Variants in GIPR observed in about 807,000 individuals in gnomAD.
The protein encoded by GIPR is gastric inhibitory polypeptide receptor.
In GIPR, 74 loss-of-function variants were observed where a neutral mutation model predicts 62.2. The observed-to-expected ratio is 1.19, with a 90% CI of 0.99 to 1.44. The LOEUF (loss-of-function observed/expected upper bound fraction) is 1.44, where lower values mean the gene tolerates loss of function less well. Among genes scored for constraint, GIPR ranks in the 40% most tolerant of loss-of-function variants. The pLI, the probability that GIPR is intolerant of heterozygous loss-of-function variation, is 0.00. For missense variants in GIPR, 664 were observed against 611.8 expected (o/e 1.09, Z -0.90); for synonymous variants, 256 against 262.2 (o/e 0.98, Z 0.23).
intron 9 of GIPR, 62 bp from the exon 10 acceptor site, chr19:45,677,648 G>A: frequency 1.5e-6 from 2 of 1,326,780 alleles, no homozygotes; most frequent in East Asian, 2.3e-5. Flanking sequence ...GCGAGCAAAT[G>A]AGCTTGGTGA....
intron 12 of GIPR, among the ~76,000 whole-genome samples, chr19:45,679,513 G>A (rs896442433): frequency 1.3e-5 from 2 of 149,702 alleles, no homozygotes; most frequent in Non-Finnish European, 3.0e-5. Context: ...AAAGCATATA[G>A]AATGTCAGAT....
At chr19:45,681,503 C>T in intron 12 of GIPR, 101 bp from the exon 13 acceptor site, 2 of 997,346 alleles carry the variant, frequency 2.0e-6, no homozygotes, top group Non-Finnish European at 3.1e-6. Flanking sequence ...CTCTTAAAAA[C>T]AAACAAACAA....
Position 45,677,777 on chromosome 19 carries a change from T to G in GIPR, c.922T>G (p.Leu308Val). The G allele has an allele frequency of 6.2e-7, 1 of 1,612,738 alleles. No individual in the cohort carries two copies. The highest frequency in any genetic ancestry group is 8.5e-7 in the Non-Finnish European group (1 of 1,178,750). The change falls in exon 10 of 14, where the codon TTG becomes GTG. Residue 308 changes from leucine to valine, a missense_variant and splice_region_variant. Leu to Val is a conservative substitution (Grantham distance 32). Transcript: ENST00000590918. ...ACGGACCCCCATCCTCATGACCATC[T>G]TGGTAGGATCGGTCCCGCCTCCACC... ...IIRTPILMTILINFLIFIRIL... is the reference protein window; with the variant it reads ...IIRTPILMTIVINFLIFIRIL...
At position 45,681,591 on chromosome 19, in the gene GIPR, C is replaced by A; in HGVS notation, c.1153-13C>A. The A allele has an allele frequency of 6.2e-7, 1 of 1,613,390 alleles. No individual in the cohort carries two copies. The highest frequency in any genetic ancestry group is 1.1e-5 in the South Asian group (1 of 91,076). Reference sequence around the variant, plus strand: ...CCCACCAGCGATGTAACCTCCGCGCCTCCTCTGGGCAGGGCTTCCTGGTCA... The same window carrying A: ...CCCACCAGCGATGTAACCTCCGCGCATCCTCTGGGCAGGGCTTCCTGGTCA... On this transcript the variant is annotated splice_polypyrimidine_tract_variant and intron_variant, in intron 12 of 13. Transcript: ENST00000590918.
At chr19:45,678,846 G>A (rs937243181) in intron 12 of GIPR, among the ~76,000 whole-genome samples, 1 of 152,246 alleles carries the variant, frequency 6.6e-6, no homozygotes, top group African/African-American at 2.4e-5. Context: ...TTTGCCAGCT[G>A]TGTGGCCTTC....
In GIPR at chr19:45,678,171, G is replaced by T; in HGVS notation, c.1097G>T (p.Arg366Leu). The change falls in exon 12 of 14, where the codon CGG (arginine) becomes CTG (leucine). Residue 366 changes from arginine to leucine, a missense_variant. By Grantham distance (102) the Arg-to-Leu change is moderately radical. Transcript: ENST00000590918. ...VFAPVTEEQA[R>L]GALRFAKLGF... ...GCTCCCGTGACAGAGGAACAGGCCC[G>T]GGGCGCCCTGCGCTTCGCCAAGCTC... 1 of 1,601,924 alleles carries T rather than the reference G, an allele frequency of 6.2e-7. No homozygotes were observed. Among genetic ancestry groups the T allele is most frequent in the Non-Finnish European group, 8.5e-7 (1 of 1,175,140 alleles).
rs946153684 is a variant in GIPR, at chr19:45,674,143, C to G, written c.454C>G (p.Leu152Val). 9.3e-6 allele frequency: 15 copies of G among 1,613,234 alleles called. No homozygotes were observed. Among genetic ancestry groups the G allele is most frequent in the Non-Finnish European group, 1.3e-5 (15 of 1,179,298 alleles). The change falls in exon 6 of 14, where the codon CTG becomes GTG. Residue 152 changes from leucine (L) to valine (V), a missense_variant. By Grantham distance (32) the Leu-to-Val change is conservative. Transcript: ENST00000590918. ...CGGCTACTCCCTGTCTCTCGCCACA[C>G]TGCTGCTAGCCCTGCTCATCTTGAG... Reference protein sequence around the residue: ...TVGYSLSLATLLLALLILSLF... With the variant: ...TVGYSLSLATVLLALLILSLF...
chr19:45,682,090 C>A lies in GIPR; in HGVS notation c.*155C>A. 5 of 669,174 alleles carry A rather than the reference C, an allele frequency of 7.5e-6. No homozygotes were observed. In the South Asian group the frequency reaches 9.0e-5, roughly 12 times the overall value. 41.5% of individuals were successfully genotyped at this position (669,174 alleles called of 1,614,324 possible). A position where few individuals can be genotyped will look rare whatever the true frequency, so the allele number is the denominator to read the frequency against. ...TGACAACTGAGTGGGGAAAACAGAC[C>A]GTGAACACAAAACATCAAGTTCCAC... On this transcript the variant is annotated 3_prime_UTR_variant, in exon 14 of 14. Coordinates refer to ENST00000590918, the MANE Select transcript of GIPR (RefSeq NM_000164.4).
intron 5 of GIPR, among the ~76,000 whole-genome samples, chr19:45,673,793 G>T (rs1444337486): frequency 1.3e-5 from 2 of 152,108 alleles, no homozygotes; most frequent in African/African-American, 4.8e-5. Flanking sequence ...GGGCCCTGGG[G>T]GGCGAGGCTG....
rs776722055 is a variant in GIPR, at chr19:45,681,819, C to G, written c.1285C>G (p.Arg429Gly). 6.4e-7 allele frequency: 1 copy of G among 1,561,864 alleles called. No homozygotes were observed. Among genetic ancestry groups the G allele is most frequent in the Non-Finnish European group, 8.7e-7 (1 of 1,152,896 alleles). Residue 429 changes from arginine (R) to glycine (G), a missense_variant, in exon 14 of 14, where the codon CGG (arginine) becomes GGG (glycine). By Grantham distance (125) the Arg-to-Gly change is moderately radical. Transcript: ENST00000590918. ...EQRQLPERAF[R>G]ALPSGSGPGE... ...ACGCCAGCTCCCGGAGCGCGCCTTC[C>G]GGGCCCTGCCCTCCGGCTCCGGCCC...
chr19:45,674,605 TA>T (rs542971910), intron 6 of GIPR, 76 bp from the exon 7 acceptor site: 11,732 of 1,107,014 alleles, frequency 0.011, no homozygotes, highest in Non-Finnish European at 0.012. Flanking sequence ...AGACCCTGTT[TA>T]AAAAAAAAAA....
chr19:45,671,778 C>CA (rs1568518051), intron 4 of GIPR, among the ~76,000 whole-genome samples: 2 of 149,348 alleles, frequency 1.3e-5, no homozygotes, highest in Non-Finnish European at 3.0e-5. Context: ...CCACACCCGG[C>CA]TTTTTTTTTA....
rs147720155 is a variant in GIPR, at chr19:45,672,894, A to G, written c.324A>G (p.Gln108=). ...FVLRQCGSDG[Q]WGLWRDHTQC... Reference sequence around the variant, plus strand: ...TCCGCCAGTGTGGCAGTGATGGCCAATGGGGACTTTGGAGAGACCATACAC... The same window carrying G: ...TCCGCCAGTGTGGCAGTGATGGCCAGTGGGGACTTTGGAGAGACCATACAC... Residue 108 remains glutamine (Q), a synonymous_variant, in exon 5 of 14, where the codon CAA becomes CAG. Coordinates refer to ENST00000590918, the MANE Select transcript of GIPR (RefSeq NM_000164.4). 281 of 1,613,534 alleles carry G rather than the reference A, an allele frequency of 1.7e-4. No homozygotes were observed. Among genetic ancestry groups the G allele is most frequent in the Admixed American group, 3.2e-4 (19 of 59,994 alleles).
At chr19:45,680,036 C>T (rs900253268) in intron 12 of GIPR, among the ~76,000 whole-genome samples, 10 of 152,092 alleles carry the variant, frequency 6.6e-5, no homozygotes, top group Non-Finnish European at 1.3e-4. Context: ...TCCCAAAGCG[C>T]CGGGATTACA....
chr19:45,681,689 G>GC, intron 13 of GIPR, 40 bp from the exon 14 acceptor site: 1 of 1,611,384 alleles, frequency 6.2e-7, no homozygotes, highest in Non-Finnish European at 8.5e-7. Flanking sequence ...TGGCGGCAGC[G>GC]CGGGGTACGG....
intron 1 of GIPR, 44 bp from the exon 2 acceptor site, chr19:45,669,433 G>C (rs1276475244): frequency 6.6e-7 from 1 of 1,525,900 alleles, no homozygotes; most frequent in East Asian, 2.5e-5. Flanking sequence ...GCTGGGGTTG[G>C]AGTAGGAGGG....
intron 7 of GIPR, among the ~76,000 whole-genome samples, chr19:45,675,957 G>A (rs1304237597): frequency 6.6e-6 from 1 of 152,120 alleles, no homozygotes; most frequent in African/African-American, 2.4e-5. Context: ...TGTAATCCAA[G>A]CACTTTGGGA....
At chr19:45,681,667 GC>G (rs1967237055) in intron 13 of GIPR, 22 bp downstream of exon 13, 1 of 1,612,698 alleles carries the variant, frequency 6.2e-7, no homozygotes, top group Non-Finnish European at 8.5e-7. Context: ...CCCGGCCGCC[GC>G]CCCCGCCCTC....
rs965541115 is a variant in GIPR at position 45,682,666 on chromosome 19, C to T, written c.*731C>T. On this transcript the variant is annotated 3_prime_UTR_variant, in exon 14 of 14. Coordinates refer to ENST00000590918, the MANE Select transcript of GIPR (RefSeq NM_000164.4). ...CCCTCCACCTCCCGAGTTCAAGCCTCCCGGGTAGCTGGGATTACAGGCACC... is the reference window on the plus strand; with the variant it reads ...CCCTCCACCTCCCGAGTTCAAGCCTTCCGGGTAGCTGGGATTACAGGCACC... 6.6e-6 allele frequency: 1 copy of T among 151,874 alleles called. No homozygotes were observed. The highest frequency in any genetic ancestry group is 2.4e-5 in the African/African-American group (1 of 41,282). The allele number at this position is 151,874 out of a possible 1,614,324, so 9.4% of individuals were successfully genotyped here.
Sources: gnomAD v4.1 joint callset for allele counts (sites outside exome capture counted in the v4.1 genomes callset) on GRCh38, gnomAD v4.1.1 for gene constraint, MANE v1.5 for transcripts, NCBI Gene and HGNC (gene_info 2026-07-23, HGNC 2026-07-21) for gene names.